The following FAM135B variants were observed in gnomAD, a reference collection of about 807,000 sequenced individuals.
FAM135B encodes family with sequence similarity 135 member B, also known as protein FAM135B.
Under a neutral mutation model 127.7 loss-of-function variants are expected in FAM135B, and 43 were observed. The observed-to-expected ratio is 0.34, with a 90% CI of 0.26 to 0.43. The LOEUF is 0.43. FAM135B is among the 20% of genes least tolerant of loss of function. FAM135B has a pLI of 1.00. For missense variants in FAM135B, 1,558 were observed against 1,725.6 expected, an observed-to-expected ratio of 0.90 and a Z score of 1.72; for synonymous variants, 670 against 665.1, an observed-to-expected ratio of 1.01 and a Z score of -0.11.
intron 2 of FAM135B, among the ~76,000 whole-genome samples, chr8:138,361,689 C>T (rs1830432066): frequency 6.6e-6 from 1 of 152,202 alleles, no homozygotes; most frequent in South Asian, 2.1e-4. Context: ...TAAATCCTCT[C>T]ACCTCCGCCC....
chr8:138,313,475 C>G (rs1826845642), intron 2 of FAM135B, among the ~76,000 whole-genome samples: 1 of 151,798 alleles, frequency 6.6e-6, no homozygotes, highest in African/African-American at 2.4e-5. Flanking sequence ...AGTTTTTAGA[C>G]TTGGTACAGA....
chr8:138,239,202 C>T (rs1820531863), intron 7 of FAM135B, among the ~76,000 whole-genome samples: 1 of 152,202 alleles, frequency 6.6e-6, no homozygotes, highest in Non-Finnish European at 1.5e-5. Context: ...CCTGTTTCTC[C>T]ACATCCTCTC....
At chr8:138,326,983 CAA>C (rs1173762069) in intron 2 of FAM135B, among the ~76,000 whole-genome samples, 3 of 152,084 alleles carry the variant, frequency 2.0e-5, no homozygotes, top group African/African-American at 7.2e-5. Context: ...CAAAGATTTG[CAA>C]AGTCTGTGCT....
At chr8:138,253,421 G>A (rs1303382310) in intron 5 of FAM135B, among the ~76,000 whole-genome samples, 1 of 151,984 alleles carries the variant, frequency 6.6e-6, no homozygotes, top group Non-Finnish European at 1.5e-5. Flanking sequence ...TGGTGGGAGG[G>A]GGCACTGCTG....
At chr8:138,404,186 C>T (rs1349165611) in intron 1 of FAM135B, among the ~76,000 whole-genome samples, 2 of 152,010 alleles carry the variant, frequency 1.3e-5, no homozygotes, top group Non-Finnish European at 1.5e-5. Flanking sequence ...AATAACTATT[C>T]ATGGATTTTT....
At chr8:138,475,934 A>G (rs1814405435) in intron 1 of FAM135B, among the ~76,000 whole-genome samples, 1 of 152,230 alleles carries the variant, frequency 6.6e-6, no homozygotes, top group Admixed American at 6.5e-5. Context: ...AGCTTTATTC[A>G]TAACTGTCAA....
chr8:138,266,579 A>G (rs1822938384), intron 3 of FAM135B, among the ~76,000 whole-genome samples: 1 of 149,060 alleles, frequency 6.7e-6, no homozygotes, highest in Non-Finnish European at 1.5e-5. Flanking sequence ...CGTGTAAAAA[A>G]TATATGTGTG....
chr8:138,373,738 G>C (rs1023754716), intron 1 of FAM135B, among the ~76,000 whole-genome samples: 5 of 151,880 alleles, frequency 3.3e-5, no homozygotes, highest in Admixed American at 6.6e-5. Flanking sequence ...CTCTAAAATG[G>C]CCCCCTTGGG....
At chr8:138,158,150 C>G (rs1342474487) in intron 12 of FAM135B, among the ~76,000 whole-genome samples, 1 of 152,174 alleles carries the variant, frequency 6.6e-6, no homozygotes, top group Non-Finnish European at 1.5e-5. Context: ...TACCACACAT[C>G]TACAACCATC....
intron 1 of FAM135B, among the ~76,000 whole-genome samples, chr8:138,399,661 T>G (rs951807839): frequency 2.6e-5 from 4 of 152,192 alleles, no homozygotes; most frequent in African/African-American, 9.7e-5. Context: ...TATTTCTATA[T>G]CACCACTTCC....
chr8:138,378,396 C>T (rs78523951), intron 1 of FAM135B, among the ~76,000 whole-genome samples: 3,643 of 152,288 alleles, frequency 0.024, 65 homozygotes, highest in East Asian at 0.11. Context: ...TCTCTCTGTG[C>T]CTCAGTTTCC....
At chr8:138,343,323 A>T (rs1027772096) in intron 2 of FAM135B, among the ~76,000 whole-genome samples, 1 of 152,190 alleles carries the variant, frequency 6.6e-6, no homozygotes, top group Non-Finnish European at 1.5e-5. Context: ...ACTGCTATAC[A>T]CTATAGCTGT....
At chr8:138,395,562 T>C (rs559098669) in intron 1 of FAM135B, among the ~76,000 whole-genome samples, 1 of 152,172 alleles carries the variant, frequency 6.6e-6, no homozygotes, top group Non-Finnish European at 1.5e-5. Flanking sequence ...TGTGCAAAGA[T>C]GGGATTAATT....
chr8:138,421,788 CAA>C (rs1257262200), intron 1 of FAM135B, among the ~76,000 whole-genome samples: 2 of 151,898 alleles, frequency 1.3e-5, no homozygotes, highest in Non-Finnish European at 2.9e-5. Context: ...AAAACTATTC[CAA>C]AATTAATATG....
chr8:138,185,456 T>TGTTAAAG (rs1815462129), intron 9 of FAM135B, among the ~76,000 whole-genome samples: 4 of 152,190 alleles, frequency 2.6e-5, no homozygotes, highest in African/African-American at 9.6e-5. Context: ...GGATGTTAAA[T>TGTTAAAG]GAAACAATGC....
chr8:138,348,618 G>A (rs1386591409), intron 2 of FAM135B, among the ~76,000 whole-genome samples: 4 of 152,160 alleles, frequency 2.6e-5, no homozygotes, highest in Non-Finnish European at 5.9e-5. Flanking sequence ...GGACACTAAT[G>A]ACTGCCCACA....
intron 4 of FAM135B, among the ~76,000 whole-genome samples, chr8:138,262,716 T>C (rs565447961): frequency 1.3e-5 from 2 of 151,736 alleles, no homozygotes; most frequent in South Asian, 2.1e-4. Flanking sequence ...CTGGCCAACA[T>C]AGTGAAACCT....
intron 3 of FAM135B, among the ~76,000 whole-genome samples, chr8:138,299,208 C>G (rs887304597): frequency 1.3e-5 from 2 of 151,912 alleles, no homozygotes; most frequent in African/African-American, 4.8e-5. Flanking sequence ...ATTAAAATTT[C>G]CCACAAATGA....
At chr8:138,169,187 G>T (rs1324932389) in intron 11 of FAM135B, among the ~76,000 whole-genome samples, 1 of 151,794 alleles carries the variant, frequency 6.6e-6, no homozygotes, top group Admixed American at 6.6e-5. Context: ...TATTAAATAT[G>T]TATATTTTGT....
Sources: allele counts gnomAD v4.1 joint callset (sites outside exome capture counted in the v4.1 genomes callset), GRCh38; gene constraint gnomAD v4.1.1; transcripts MANE v1.5; gene names NCBI Gene and HGNC (gene_info 2026-07-23, HGNC 2026-07-21).